Variants in LYPD6B observed in about 807,000 individuals in gnomAD.
LYPD6B encodes ly6/PLAUR domain-containing protein 6B.
Under a neutral mutation model 22.8 loss-of-function variants are expected in LYPD6B, and 17 were observed. That is an observed-to-expected ratio of 0.75 (90% CI 0.51 to 1.12). The LOEUF is 1.12. LYPD6B is among the 50% of genes most tolerant of loss of function. The probability of loss-of-function intolerance (pLI) is 0.00; values close to 1 mark genes in which losing one functional copy is unlikely to be tolerated. For synonymous variants in LYPD6B, 106 were observed against 91.6 expected (o/e 1.16, Z -0.90); for missense variants, 221 against 258.3 (o/e 0.86, Z 0.99).
At chr2:149,069,856 A>G (rs1219538975) in intron 1 of LYPD6B, among the ~76,000 whole-genome samples, 1 of 151,326 alleles carries the variant, frequency 6.6e-6, no homozygotes. Flanking sequence ...TCTTTTTATT[A>G]ATAGAAGCTT....
chr2:149,141,244 G>T (rs964936870), intron 2 of LYPD6B, among the ~76,000 whole-genome samples: 2 of 152,178 alleles, frequency 1.3e-5, no homozygotes, highest in East Asian at 3.9e-4. Context: ...GACTGTCTGG[G>T]GCAGAGCATT....
Position 149,083,279 on chromosome 2 carries a change from T to C in LYPD6B, c.-67+44478T>C, listed in dbSNP as rs73963336. Reference sequence around the variant, plus strand: ...GCATTTCACCCCTAAATACTTGAGATGCATCGCCTGAGGACATTCTCCCTA... The same window carrying C: ...GCATTTCACCCCTAAATACTTGAGACGCATCGCCTGAGGACATTCTCCCTA... On this transcript the variant is annotated intron_variant, in intron 1 of 6. Coordinates refer to ENST00000409642, the MANE Select transcript of LYPD6B (RefSeq NM_177964.5). Among the ~76,000 whole-genome samples, 1,216 of 152,330 alleles carry C rather than the reference T, an allele frequency of 8.0e-3. 25 individuals are homozygous for C. The highest frequency in any genetic ancestry group is 0.027 in the African/African-American group (1,104 of 41,570).
rs550466057 is a variant in LYPD6B at position 149,196,140 on chromosome 2, C to T, written c.78-9113C>T. Among the ~76,000 whole-genome samples the T allele has an allele frequency of 9.9e-5, 15 of 152,206 alleles. No homozygotes were observed. In the South Asian group the frequency reaches 2.5e-3, roughly 25 times the overall value. ...AATATGAAATTATGCACATATATATCTTTATATATGTACATTTCCTTCTGC... is the reference window on the plus strand; with the variant it reads ...AATATGAAATTATGCACATATATATTTTTATATATGTACATTTCCTTCTGC... On this transcript the variant is annotated intron_variant, in intron 3 of 6. Transcript: ENST00000409642.
intron 3 of LYPD6B, among the ~76,000 whole-genome samples, chr2:149,168,731 A>G (rs1349311948): frequency 4.6e-5 from 7 of 152,230 alleles, no homozygotes; most frequent in Non-Finnish European, 1.0e-4. Flanking sequence ...TAGACAATGA[A>G]TGAATGTGTT....
At chr2:149,102,618 GTTTGTTTTTTTGTT>G (rs1686268318) in intron 1 of LYPD6B, among the ~76,000 whole-genome samples, 1 of 151,938 alleles carries the variant, frequency 6.6e-6, no homozygotes, top group African/African-American at 2.4e-5. Flanking sequence ...GCAAGGAAGA[GTTTGTTTTTTTGTT>G]TTTGTTTTTT....
intron 3 of LYPD6B, among the ~76,000 whole-genome samples, chr2:149,176,429 A>T (rs1344736766): frequency 6.6e-6 from 1 of 152,190 alleles, no homozygotes; most frequent in Non-Finnish European, 1.5e-5. Context: ...AAGTTAAGTA[A>T]AATTTGAGCT....
chr2:149,123,796 G>T (rs754793129), intron 1 of LYPD6B, among the ~76,000 whole-genome samples: 46 of 152,260 alleles, frequency 3.0e-4, no homozygotes, highest in Non-Finnish European at 5.6e-4. Context: ...GGAGGCAGAG[G>T]TTGCAGTGAG....
intron 1 of LYPD6B, among the ~76,000 whole-genome samples, chr2:149,125,331 C>T (rs1193544662): frequency 6.6e-6 from 1 of 152,164 alleles, no homozygotes; most frequent in East Asian, 1.9e-4. Context: ...CTAGACACAG[C>T]TGAAAGTTTA....
chr2:149,078,439 C>T (rs1684972975), intron 1 of LYPD6B, among the ~76,000 whole-genome samples: 1 of 152,116 alleles, frequency 6.6e-6, no homozygotes, highest in African/African-American at 2.4e-5. Flanking sequence ...TCTGAAGTTA[C>T]CTGGTCCTTT....
chr2:149,049,987 A>T, intron 1 of LYPD6B, among the ~76,000 whole-genome samples: 1 of 152,132 alleles, frequency 6.6e-6, no homozygotes. Flanking sequence ...ATCTAATTTG[A>T]ATTGTTTCTA....
intron 4 of LYPD6B, among the ~76,000 whole-genome samples, chr2:149,207,869 T>A (rs986625536): frequency 7.2e-5 from 11 of 152,030 alleles, no homozygotes; most frequent in Non-Finnish European, 1.6e-4. Context: ...ATAAATATTA[T>A]TATATCTTAG....
intron 1 of LYPD6B, among the ~76,000 whole-genome samples, chr2:149,114,258 A>G (rs1284359183): frequency 2.0e-5 from 3 of 152,220 alleles, no homozygotes; most frequent in East Asian, 1.9e-4. Flanking sequence ...AAGTCTTATC[A>G]TTATAAGTAA....
At chr2:149,082,961 G>A (rs541576784) in intron 1 of LYPD6B, among the ~76,000 whole-genome samples, 2 of 152,188 alleles carry the variant, frequency 1.3e-5, no homozygotes, top group South Asian at 2.1e-4. Flanking sequence ...CTCCCTGGCT[G>A]CACCTGGGTG....
intron 1 of LYPD6B, among the ~76,000 whole-genome samples, chr2:149,084,822 T>C (rs1452438064): frequency 6.6e-6 from 1 of 152,182 alleles, no homozygotes. Flanking sequence ...CCATAGACTC[T>C]TAGCCTTGTC....
At chr2:149,205,066 T>C (rs919154305) in intron 3 of LYPD6B, 187 bp from the exon 4 acceptor site, 1 of 589,002 alleles carries the variant, frequency 1.7e-6, no homozygotes, top group African/African-American at 1.9e-5. Context: ...GCCTGACCAG[T>C]AGAAGGAGGT....
chr2:149,145,022 C>A (rs941231768), intron 2 of LYPD6B, among the ~76,000 whole-genome samples: 10 of 152,126 alleles, frequency 6.6e-5, no homozygotes, highest in African/African-American at 2.4e-4. Flanking sequence ...TGAGAGTGTA[C>A]AGATTCATAT....
intron 1 of LYPD6B, among the ~76,000 whole-genome samples, chr2:149,110,392 TGTGAATTTTACTTTGTTGG>T (rs1407668035): frequency 1.3e-5 from 2 of 152,222 alleles, no homozygotes; most frequent in African/African-American, 2.4e-5. Context: ...TGCCAGATAT[TGTGAATTTTACTTTGTTGG>T]GTGCTGTATA....
chr2:149,131,028 T>C, intron 2 of LYPD6B, 75 bp downstream of exon 2: 1 of 995,652 alleles, frequency 1.0e-6, no homozygotes. Flanking sequence ...CATGAGCTAC[T>C]CATGCTTCGC....
chr2:149,191,539 G>C (rs1237661119), intron 3 of LYPD6B, among the ~76,000 whole-genome samples: 1 of 152,098 alleles, frequency 6.6e-6, no homozygotes, highest in African/African-American at 2.4e-5. Flanking sequence ...TCATTTGTCT[G>C]TCTGCTCATA....
Sources: allele counts gnomAD v4.1 joint callset (sites outside exome capture counted in the v4.1 genomes callset), GRCh38; gene constraint gnomAD v4.1.1; transcripts MANE v1.5; gene names NCBI Gene and HGNC (gene_info 2026-07-23, HGNC 2026-07-21).